UNC13C: variants seen among roughly 807,000 people sequenced by gnomAD.
UNC13C encodes the protein unc-13 homolog C.
UNC13C carries 174 observed loss-of-function variants against 245.4 expected under a neutral mutation model. The observed-to-expected ratio is 0.71, with a 90% CI of 0.63 to 0.80. UNC13C has a LOEUF of 0.80. UNC13C is among the 30% of genes least tolerant of loss of function. The pLI is 0.00. For missense variants in UNC13C, 2,829 were observed against 2,602.9 expected (o/e 1.09, Z -1.89); for synonymous variants, 992 against 895.1 (o/e 1.11, Z -1.93).
intron 19 of UNC13C, among the ~76,000 whole-genome samples, chr15:54,467,694 C>G (rs2141037205): frequency 6.6e-6 from 1 of 151,756 alleles, no homozygotes; most frequent in South Asian, 2.1e-4. Context: ...TTGAGTTTGA[C>G]TTTTTCAGAT....
At chr15:53,925,093 A>G in the UNC13C span, among the ~76,000 whole-genome samples, 2 of 152,142 alleles carry the variant, frequency 1.3e-5, no homozygotes, top group African/African-American at 4.8e-5. Flanking sequence ...ACTTAGTTTC[A>G]TGGGGAATGT....
chr15:54,616,497 A>T (rs1180186843), intron 30 of UNC13C, among the ~76,000 whole-genome samples: 3 of 152,058 alleles, frequency 2.0e-5, no homozygotes, highest in Non-Finnish European at 4.4e-5. Flanking sequence ...TAAAAATTTT[A>T]AAAAATGATG....
intron 26 of UNC13C, among the ~76,000 whole-genome samples, chr15:54,539,646 G>T (rs944036574): frequency 6.6e-6 from 1 of 151,984 alleles, no homozygotes; most frequent in Non-Finnish European, 1.5e-5. Flanking sequence ...CTGTTTTTTA[G>T]AAGTCCAATC....
intron 19 of UNC13C, among the ~76,000 whole-genome samples, chr15:54,475,394 C>T (rs575172194): frequency 2.6e-5 from 4 of 151,192 alleles, no homozygotes; most frequent in Admixed American, 6.6e-5. Flanking sequence ...GCCATGCTGG[C>T]GTGCTGCACC....
chr15:54,623,994 A>AGTT, intron 32 of UNC13C, 40 bp downstream of exon 32: 1 of 1,610,762 alleles, frequency 6.2e-7, no homozygotes, highest in Non-Finnish European at 8.5e-7. Flanking sequence ...ACCAGGCAAT[A>AGTT]GTTACTGTAC....
intron 2 of UNC13C, among the ~76,000 whole-genome samples, chr15:54,027,708 A>G (rs576334327): frequency 1.3e-5 from 2 of 151,384 alleles, no homozygotes; most frequent in South Asian, 4.2e-4. Flanking sequence ...TGGCACCACC[A>G]TCCTCTGTTT....
chr15:54,072,153 A>C (rs1345331684), intron 2 of UNC13C, among the ~76,000 whole-genome samples: 1 of 152,152 alleles, frequency 6.6e-6, no homozygotes, highest in African/African-American at 2.4e-5. Flanking sequence ...ACTCTGATCT[A>C]TGGCTGACCT....
At chr15:53,904,186 A>G in the UNC13C span, among the ~76,000 whole-genome samples, 3 of 152,154 alleles carry the variant, frequency 2.0e-5, no homozygotes, top group Non-Finnish European at 2.9e-5. Context: ...TCCTGCTGAG[A>G]TGGTAGACTC....
At chr15:54,443,943 T>A (rs1367630308) in intron 19 of UNC13C, among the ~76,000 whole-genome samples, 1 of 152,034 alleles carries the variant, frequency 6.6e-6, no homozygotes, top group Non-Finnish European at 1.5e-5. Flanking sequence ...TTAGTTTAAT[T>A]TCAAAGTGTA....
chr15:54,053,069 G>A (rs190344050), intron 2 of UNC13C, among the ~76,000 whole-genome samples: 1 of 152,170 alleles, frequency 6.6e-6, no homozygotes, highest in Non-Finnish European at 1.5e-5. Flanking sequence ...GTGTGATCTC[G>A]ACCCACTGCA....
At chr15:54,001,001 A>G (rs1894861306) in intron 1 of UNC13C, among the ~76,000 whole-genome samples, 1 of 152,196 alleles carries the variant, frequency 6.6e-6, no homozygotes, top group Admixed American at 6.5e-5. Context: ...GTAATGTGTG[A>G]TAATTTTTAC....
At chr15:54,591,523 G>A (rs565391065) in intron 30 of UNC13C, among the ~76,000 whole-genome samples, 2 of 152,192 alleles carry the variant, frequency 1.3e-5, no homozygotes, top group African/African-American at 4.8e-5. Context: ...TAGGAGGGTT[G>A]TATTTTGCCA....
At chr15:54,167,410 G>T (rs1421458407) in intron 4 of UNC13C, among the ~76,000 whole-genome samples, 1 of 150,142 alleles carries the variant, frequency 6.7e-6, no homozygotes, top group East Asian at 2.0e-4. Context: ...GCTGAGGCAG[G>T]AGAATGGCGT....
chr15:53,860,262 CATG>C, the UNC13C span, among the ~76,000 whole-genome samples: 70,321 of 151,730 alleles, frequency 0.46, 16,529 homozygotes, highest in Middle Eastern at 0.58. Context: ...TGATAACTCA[CATG>C]ATATCATTTT....
At chr15:54,270,944 T>G (rs1324489747) in intron 10 of UNC13C, among the ~76,000 whole-genome samples, 2 of 152,116 alleles carry the variant, frequency 1.3e-5, no homozygotes, top group African/African-American at 4.8e-5. Context: ...ATCACAAAAC[T>G]GGTAAAATGA....
At chr15:54,571,722 A>G (rs926451454) in intron 30 of UNC13C, among the ~76,000 whole-genome samples, 1 of 152,230 alleles carries the variant, frequency 6.6e-6, no homozygotes, top group African/African-American at 2.4e-5. Flanking sequence ...CTGAGGAGCC[A>G]CAGGCACAGG....
intron 19 of UNC13C, among the ~76,000 whole-genome samples, chr15:54,481,193 G>A (rs750360101): frequency 9.4e-5 from 5 of 53,002 alleles, no homozygotes; most frequent in Admixed American, 1.6e-4. Context: ...ATGCATTGCT[G>A]TGGATGGGAT....
At chr15:54,504,360 A>G (rs1453567026) in intron 22 of UNC13C, among the ~76,000 whole-genome samples, 1 of 152,146 alleles carries the variant, frequency 6.6e-6, no homozygotes, top group African/African-American at 2.4e-5. Context: ...ATTATATGCT[A>G]ATCACTTTAT....
At chr15:54,184,884 A>G (rs76671375) in intron 4 of UNC13C, among the ~76,000 whole-genome samples, 3 of 152,092 alleles carry the variant, frequency 2.0e-5, no homozygotes, top group Non-Finnish European at 2.9e-5. Flanking sequence ...AGTCCCACCA[A>G]TGGTGTAAAA....
Sources: allele counts gnomAD v4.1 joint callset (sites outside exome capture counted in the v4.1 genomes callset), GRCh38; gene constraint gnomAD v4.1.1; transcripts MANE v1.5; gene names NCBI Gene and HGNC (gene_info 2026-07-23, HGNC 2026-07-21).